SLCO5A1: variants seen among roughly 807,000 people sequenced by gnomAD.
SLCO5A1 encodes the protein organic anion transporter polypeptide-related protein 4.
A neutral mutation model predicts 65.1 loss-of-function variants in SLCO5A1; 39 were observed. The ratio of observed to expected loss-of-function variants is 0.60; its 90% CI spans 0.46 to 0.78. The LOEUF is 0.78. SLCO5A1 is among the 30% of genes least tolerant of loss of function. SLCO5A1 has a pLI of 0.00. For missense variants in SLCO5A1, 1,029 were observed against 1,069.4 expected, an observed-to-expected ratio of 0.96 and a Z score of 0.53; for synonymous variants, 438 against 415.7, an observed-to-expected ratio of 1.05 and a Z score of -0.65.
At chr8:69,775,675 A>G (rs1029951813) in intron 2 of SLCO5A1, among the ~76,000 whole-genome samples, 2 of 152,224 alleles carry the variant, frequency 1.3e-5, no homozygotes, top group Non-Finnish European at 2.9e-5. Flanking sequence ...TTATCAAAAC[A>G]TAAAGGAACT....
chr8:69,778,069 A>G (rs1231138420), intron 2 of SLCO5A1, among the ~76,000 whole-genome samples: 1 of 152,188 alleles, frequency 6.6e-6, no homozygotes, highest in Admixed American at 6.5e-5. Context: ...TCCTACTGTG[A>G]CTAATTTATA....
At chr8:69,784,951 AAGAAAGG>A (rs1818991383) in intron 2 of SLCO5A1, among the ~76,000 whole-genome samples, 2 of 147,260 alleles carry the variant, frequency 1.4e-5, no homozygotes, top group Non-Finnish European at 3.0e-5. Context: ...AGAAAGAAAG[AAGAAAGG>A]AAGGAAGAAA....
At chr8:69,826,301 G>C (rs1242625529) in intron 2 of SLCO5A1, among the ~76,000 whole-genome samples, 1 of 151,720 alleles carries the variant, frequency 6.6e-6, no homozygotes, top group Non-Finnish European at 1.5e-5. Flanking sequence ...AAACTAAAGA[G>C]CTTCTGCACA....
chr8:69,821,510 G>GAAT (rs1820641367), intron 2 of SLCO5A1, among the ~76,000 whole-genome samples: 1 of 151,888 alleles, frequency 6.6e-6, no homozygotes, highest in Non-Finnish European at 1.5e-5. Flanking sequence ...AGAAGAAGAA[G>GAAT]AAAATAGGCC....
intron 5 of SLCO5A1, among the ~76,000 whole-genome samples, chr8:69,719,928 A>G (rs1815740712): frequency 6.6e-6 from 1 of 152,216 alleles, no homozygotes. Flanking sequence ...GTACACATTA[A>G]ATAAACACTT....
At chr8:69,716,198 A>G (rs975598658) in intron 5 of SLCO5A1, among the ~76,000 whole-genome samples, 36 of 152,212 alleles carry the variant, frequency 2.4e-4, no homozygotes, top group Admixed American at 2.2e-3. Flanking sequence ...TTTCTAGATC[A>G]CATTTTATTA....
intron 2 of SLCO5A1, among the ~76,000 whole-genome samples, chr8:69,801,374 T>C (rs563782844): frequency 1.6e-4 from 25 of 152,342 alleles, no homozygotes; most frequent in African/African-American, 5.8e-4. Flanking sequence ...CAAGAGTCTT[T>C]TTTTTCCTAA....
chr8:69,833,913 C>T (rs1249342797), intron 1 of SLCO5A1: 2 of 152,286 alleles, frequency 1.3e-5, no homozygotes, highest in Non-Finnish European at 2.9e-5. Context: ...AATCCGTCTG[C>T]TTTGCCGAGA....
At chr8:69,759,494 A>G (rs1296005439) in intron 3 of SLCO5A1, among the ~76,000 whole-genome samples, 1 of 152,160 alleles carries the variant, frequency 6.6e-6, no homozygotes, top group Non-Finnish European at 1.5e-5. Flanking sequence ...CCCTATGATA[A>G]TAAGTACCAT....
intron 2 of SLCO5A1, among the ~76,000 whole-genome samples, chr8:69,805,454 A>G (rs1819953185): frequency 6.6e-6 from 1 of 152,192 alleles, no homozygotes; most frequent in South Asian, 2.1e-4. Context: ...CACTCAAGAA[A>G]CCACTCAATT....
rs576316217 is a variant in SLCO5A1 at position 69,736,947 on chromosome 8, C to T, written c.1423+1093G>A. Among the ~76,000 whole-genome samples, 134 of 152,298 alleles carry T rather than the reference C, an allele frequency of 8.8e-4. 3 individuals are homozygous for T. Among genetic ancestry groups the T allele is most frequent in the African/African-American group, 3.0e-3 (124 of 41,564 alleles). On this transcript the variant is annotated intron_variant, in intron 5 of 9. Transcript: ENST00000260126. ...CAAGTAGAAGGTTTAGATTTTCTCACAACCAAACTATAAAATAATCTGGAA... is the reference window on the plus strand; with the variant it reads ...CAAGTAGAAGGTTTAGATTTTCTCATAACCAAACTATAAAATAATCTGGAA...
At chr8:69,731,442 T>A (rs369489204) in intron 5 of SLCO5A1, among the ~76,000 whole-genome samples, 1 of 152,370 alleles carries the variant, frequency 6.6e-6, no homozygotes, top group African/African-American at 2.4e-5. Flanking sequence ...TCATTTTGGG[T>A]CATCTGAGTC....
At chr8:69,720,100 C>G (rs1409328124) in intron 5 of SLCO5A1, among the ~76,000 whole-genome samples, 1 of 152,164 alleles carries the variant, frequency 6.6e-6, no homozygotes, top group Non-Finnish European at 1.5e-5. Flanking sequence ...AATCTTCTCC[C>G]CTTATTGCTC....
intron 2 of SLCO5A1, among the ~76,000 whole-genome samples, chr8:69,815,017 G>A (rs376498138): frequency 1.8e-4 from 28 of 152,266 alleles, no homozygotes; most frequent in African/African-American, 6.3e-4. Context: ...TGCGGGATGG[G>A]GGAAGTGGGG....
chr8:69,762,431 CTG>C (rs1247883532), intron 2 of SLCO5A1, among the ~76,000 whole-genome samples: 1 of 152,028 alleles, frequency 6.6e-6, no homozygotes, highest in African/African-American at 2.4e-5. Flanking sequence ...CATGATCCAC[CTG>C]CCTCGGCCTC....
intron 2 of SLCO5A1, among the ~76,000 whole-genome samples, chr8:69,819,970 A>G (rs539035349): frequency 6.6e-6 from 1 of 152,296 alleles, no homozygotes; most frequent in Admixed American, 6.5e-5. Flanking sequence ...CTCAAAAACA[A>G]AACAAAACAA....
chr8:69,687,612 T>A (rs572549741), intron 6 of SLCO5A1, among the ~76,000 whole-genome samples: 1 of 152,260 alleles, frequency 6.6e-6, no homozygotes, highest in East Asian at 1.9e-4. Flanking sequence ...AGAAATTTTT[T>A]AAAATACACA....
At chr8:69,731,105 C>A (rs867274937) in intron 5 of SLCO5A1, among the ~76,000 whole-genome samples, 4 of 151,860 alleles carry the variant, frequency 2.6e-5, no homozygotes, top group African/African-American at 9.7e-5. Context: ...TCAAGTGATT[C>A]TCATGCCTCT....
At chr8:69,783,685 C>T (rs1196685397) in intron 2 of SLCO5A1, among the ~76,000 whole-genome samples, 1 of 152,058 alleles carries the variant, frequency 6.6e-6, no homozygotes, top group Non-Finnish European at 1.5e-5. Context: ...ATTCCCTAAT[C>T]ATTAATCAAT....
Sources: allele counts gnomAD v4.1 joint callset (sites outside exome capture counted in the v4.1 genomes callset), GRCh38; gene constraint gnomAD v4.1.1; transcripts MANE v1.5; gene names NCBI Gene and HGNC (gene_info 2026-07-23, HGNC 2026-07-21).